The following GCNA variants were observed in gnomAD, a reference collection of about 807,000 sequenced individuals.
The protein encoded by GCNA is germ cell nuclear acidic protein.
In GCNA, 3 loss-of-function variants were observed where a neutral mutation model predicts 38.8. The ratio of observed to expected loss-of-function variants is 0.08; its 90% CI spans 0.04 to 0.20. The LOEUF is 0.20. Ranked by LOEUF, GCNA falls within the 10% of genes least tolerant of loss-of-function variation. The pLI is 1.00. For synonymous variants in GCNA, 195 were observed against 240.2 expected, an observed-to-expected ratio of 0.81 and a Z score of 1.74; for missense variants, 446 against 578.6, an observed-to-expected ratio of 0.77 and a Z score of 2.35.
At position 71,580,800 on chromosome X, in the gene GCNA, A is replaced by G. The variant is rs759716604; in HGVS notation, c.-2-20A>G. On this transcript the variant is annotated intron_variant, in intron 1 of 12. Transcript: ENST00000373696. Reference sequence around the variant, plus strand: ...AGTTCTGGCTTTCTTAAGAAAGTGTATCTTTGTCTTTCACTACAGACATGG... The same window carrying G: ...AGTTCTGGCTTTCTTAAGAAAGTGTGTCTTTGTCTTTCACTACAGACATGG... 2 of 1,190,421 alleles carry G rather than the reference A, an allele frequency of 1.7e-6. No homozygotes were observed. The highest frequency in any genetic ancestry group is 6.1e-5 in the East Asian group (2 of 32,975).
chrX:71,585,789 G>A (rs894549681), intron 2 of GCNA, among the ~76,000 whole-genome samples: 1 of 100,705 alleles, frequency 9.9e-6, no homozygotes, highest in Non-Finnish European at 2.1e-5. Context: ...TTATTACTTA[G>A]TGAGATCTAG....
intron 7 of GCNA, among the ~76,000 whole-genome samples, chrX:71,600,970 C>T (rs1221920287): frequency 8.9e-6 from 1 of 112,009 alleles, no homozygotes; most frequent in African/African-American, 3.2e-5. Context: ...CCACACCCCT[C>T]CACTATCCTT....
chrX:71,605,752 T>C lies in GCNA; in HGVS notation c.1466+23T>C, dbSNP rs760877582. On this transcript the variant is annotated intron_variant, in intron 9 of 12. Transcript: ENST00000373696. ...TAGGTATGTACTGCTCGCATACAGT[T>C]GAACAGGAATTTATTGCACAGCCGT... is the stretch of plus-strand genomic sequence containing the variant. 70 of 1,178,000 alleles carry C rather than the reference T, an allele frequency of 5.9e-5. No homozygotes were observed. The South Asian group carries it at 1.2e-3, about 20-fold the overall frequency.
At chrX:71,583,406 T>TA (rs1260341158) in intron 2 of GCNA, among the ~76,000 whole-genome samples, 3 of 111,056 alleles carry the variant, frequency 2.7e-5, no homozygotes, top group Non-Finnish European at 3.8e-5. Context: ...TGCTGGAACT[T>TA]ACGAGTTTGA....
intron 9 of GCNA, among the ~76,000 whole-genome samples, chrX:71,607,541 G>T (rs2040777355): frequency 8.9e-6 from 1 of 112,340 alleles, no homozygotes; most frequent in South Asian, 3.7e-4. Flanking sequence ...TTAAATGGTA[G>T]TTATTACAGT....
intron 11 of GCNA, among the ~76,000 whole-genome samples, 157 bp downstream of exon 11, chrX:71,610,976 A>T (rs939160901): frequency 2.7e-5 from 3 of 112,465 alleles, no homozygotes; most frequent in Non-Finnish European, 5.6e-5. Context: ...TAGTTATTGG[A>T]TGTCTCACCA....
intron 2 of GCNA, among the ~76,000 whole-genome samples, chrX:71,586,357 G>GT (rs766335320): frequency 1.4e-4 from 15 of 110,573 alleles, no homozygotes; most frequent in South Asian, 1.2e-3. Context: ...GTTTGGTAGT[G>GT]TTTTTTTTCT....
At chrX:71,601,244 T>A (rs1238374040) in intron 7 of GCNA, among the ~76,000 whole-genome samples, 1 of 110,193 alleles carries the variant, frequency 9.1e-6, no homozygotes, top group Non-Finnish European at 1.9e-5. Flanking sequence ...CTTGGGAGGC[T>A]GAGACAGAAT....
At chrX:71,594,238 G>T in intron 4 of GCNA, 93 bp from the exon 5 acceptor site, 1 of 646,493 alleles carries the variant, frequency 1.5e-6, no homozygotes, top group Non-Finnish European at 2.4e-6. Context: ...ATTCTGATTG[G>T]TTGTTTTCTT....
In GCNA at chrX:71,613,382, A is replaced by G. The variant is rs969681968; in HGVS notation, c.*400A>G. On this transcript the variant is annotated 3_prime_UTR_variant, in exon 13 of 13. Coordinates refer to ENST00000373696, the MANE Select transcript of GCNA (RefSeq NM_052957.5). ...CATGTAGAACAAAATGCAAAAGAAA[A>G]GTGAGTTTTCAAGAGTGGCAGGTTG... 2.4e-5 allele frequency: 3 copies of G among 123,473 alleles called. No individual in the cohort carries two copies. In the East Asian group the frequency reaches 6.6e-4, roughly 27 times the overall value. 10.2% of individuals were successfully genotyped at this position (123,473 alleles called of 1,213,427 possible).
chrX:71,608,882 C>T, intron 9 of GCNA, 91 bp from the exon 10 acceptor site: 1 of 1,031,920 alleles, frequency 9.7e-7, no homozygotes, highest in Non-Finnish European at 1.3e-6. Flanking sequence ...GAGGGAGCAA[C>T]ATGTTTTCAG....
intron 7 of GCNA, among the ~76,000 whole-genome samples, chrX:71,600,126 C>A (rs1290315637): frequency 3.6e-5 from 4 of 111,697 alleles, no homozygotes; most frequent in African/African-American, 1.3e-4. Context: ...GCGTCAGACA[C>A]ACCGACCTTC....
chrX:71,603,574 C>T lies in GCNA; in HGVS notation c.311-14C>T. On this transcript the variant is annotated splice_polypyrimidine_tract_variant and intron_variant, in intron 7 of 12. Transcript: ENST00000373696. ...GGAGTATATTTACATATGATTGTGTCTCTTGAATTTCAGATGAGAGTCCGG... is the reference window on the plus strand; with the variant it reads ...GGAGTATATTTACATATGATTGTGTTTCTTGAATTTCAGATGAGAGTCCGG... 8.3e-7 allele frequency: 1 copy of T among 1,199,828 alleles called. No individual in the cohort carries two copies. The highest frequency in any genetic ancestry group is 1.1e-6 in the Non-Finnish European group (1 of 889,146).
intron 10 of GCNA, 131 bp downstream of exon 10, chrX:71,609,248 T>C: frequency 1.6e-6 from 1 of 609,347 alleles, no homozygotes; most frequent in Non-Finnish European, 2.6e-6. Flanking sequence ...TGAGCCCTGG[T>C]ACAGGTGAAA....
chrX:71,586,357 GTT>G (rs766335320), intron 2 of GCNA, among the ~76,000 whole-genome samples: 3 of 110,529 alleles, frequency 2.7e-5, no homozygotes, highest in African/African-American at 9.9e-5. Context: ...GTTTGGTAGT[GTT>G]TTTTTTCTTT....
Position 71,613,046 on chromosome X carries a change from C to T in GCNA, c.*64C>T, listed in dbSNP as rs746944290. On this transcript the variant is annotated 3_prime_UTR_variant, in exon 13 of 13. Coordinates refer to ENST00000373696, the MANE Select transcript of GCNA (RefSeq NM_052957.5). The stretch of plus-strand genomic sequence containing the variant: ...TATGCAGGAGATGGCTAGGATTAGC[C>T]TTGGGGATGTGATGAAAACACTTGG... 7 of 1,173,267 alleles carry T rather than the reference C, an allele frequency of 6.0e-6. No individual in the cohort carries two copies. In the East Asian group the frequency reaches 1.2e-4, roughly 20 times the overall value.
chrX:71,611,743 C>G lies in GCNA; in HGVS notation c.1751-612C>G, dbSNP rs149399426. ...TGTTCCTGGAGGGCAGAAACTAGAT[C>G]TTGTCCTGATGTTTTTCTAGAAGTG... is the stretch of plus-strand genomic sequence containing the variant. On this transcript the variant is annotated intron_variant, in intron 11 of 12. Transcript: ENST00000373696. 3.1e-3 allele frequency among the ~76,000 whole-genome samples: 341 copies of G among 111,298 alleles called. 2 individuals are homozygous for G. The highest frequency in any genetic ancestry group is 0.011 in the African/African-American group (326 of 30,649).
Position 71,604,384 on chromosome X carries a change from T to C in GCNA, c.1107T>C (p.Asp369=), listed in dbSNP as rs75573923. 2,625 of 1,210,432 alleles carry C rather than the reference T, an allele frequency of 2.2e-3. 3 individuals carry two copies. Among genetic ancestry groups the C allele is most frequent in the Non-Finnish European group, 2.7e-3 (2,456 of 895,291 alleles). ...TCTCCCAGCATGATTCATCTGATGA[T>C]GCTGGTGAGCAGGATCTTGGTGAGA... ...AAVSQHDSSD[D]AGEQDLGENL... is the part of the protein sequence containing the mutation. Residue 369 remains aspartate, a synonymous_variant, in exon 8 of 13, where the codon GAT becomes GAC. Coordinates refer to ENST00000373696, the MANE Select transcript of GCNA (RefSeq NM_052957.5).
chrX:71,612,843 T>C lies in GCNA; in HGVS notation c.1956-19T>C, dbSNP rs371167985. Reference sequence around the variant, plus strand: ...CAGTGACTGATTCTTTTGTTGTGTGTTGTTCCATTCCTTCCCAGGATTGGC... The same window carrying C: ...CAGTGACTGATTCTTTTGTTGTGTGCTGTTCCATTCCTTCCCAGGATTGGC... On this transcript the variant is annotated intron_variant, in intron 12 of 12. Transcript: ENST00000373696. The C allele has an allele frequency of 8.3e-6, 10 of 1,207,713 alleles. No homozygotes were observed. The highest frequency in any genetic ancestry group is 1.0e-5 in the Non-Finnish European group (9 of 893,424).
Sources: allele counts gnomAD v4.1 joint callset (sites outside exome capture counted in the v4.1 genomes callset), GRCh38; gene constraint gnomAD v4.1.1; transcripts MANE v1.5; gene names NCBI Gene and HGNC (gene_info 2026-07-23, HGNC 2026-07-21).